The following ZNF536 variants were observed in gnomAD, a reference collection of about 807,000 sequenced individuals.
The protein encoded by ZNF536 is zinc finger protein 536.
In ZNF536, 13 loss-of-function variants were observed where a neutral mutation model predicts 84.5. The observed-to-expected ratio is 0.15, with a 90% CI of 0.10 to 0.24. The LOEUF is 0.24. ZNF536 is among the 10% of genes least tolerant of loss of function. The pLI is 1.00. For synonymous variants in ZNF536, 811 were observed against 742.5 expected (o/e 1.09, Z -1.50); for missense variants, 1,536 against 1,747.5 (o/e 0.88, Z 2.16).
intron 1 of ZNF536, among the ~76,000 whole-genome samples, chr19:30,402,886 T>C (rs1231379683): frequency 6.7e-6 from 1 of 149,838 alleles, no homozygotes; most frequent in African/African-American, 2.4e-5. Flanking sequence ...GAGGGGAATG[T>C]TACCCCCACC....
At chr19:30,703,695 C>T (rs1002996649) in intron 1 of ZNF536, among the ~76,000 whole-genome samples, 4 of 152,214 alleles carry the variant, frequency 2.6e-5, no homozygotes, top group African/African-American at 9.6e-5. Flanking sequence ...CCAGGCAGAG[C>T]TTCCCCTGAG....
At chr19:30,434,471 A>G (rs1479666074) in intron 1 of ZNF536, among the ~76,000 whole-genome samples, 2 of 152,176 alleles carry the variant, frequency 1.3e-5, no homozygotes, top group Non-Finnish European at 2.9e-5. Flanking sequence ...GACTGTCGTT[A>G]TCCAGCCCAA....
intron 1 of ZNF536, among the ~76,000 whole-genome samples, chr19:30,377,848 T>C (rs2048876098): frequency 6.6e-6 from 1 of 152,178 alleles, no homozygotes; most frequent in Non-Finnish European, 1.5e-5. Flanking sequence ...GGGAATGCAG[T>C]CCAGCAGGTC....
chr19:30,240,647 C>A (rs1056101794), intron 1 of ZNF536, among the ~76,000 whole-genome samples: 1 of 152,186 alleles, frequency 6.6e-6, no homozygotes, highest in African/African-American at 2.4e-5. Flanking sequence ...CTGGAAGAAC[C>A]CCCGAGCAGC....
chr19:30,572,764 C>A (rs2046595783), intron 1 of ZNF536, among the ~76,000 whole-genome samples: 1 of 152,098 alleles, frequency 6.6e-6, no homozygotes, highest in South Asian at 2.1e-4. Context: ...AAGAGCTGGA[C>A]CTTCACATGA....
intron 1 of ZNF536, among the ~76,000 whole-genome samples, chr19:30,623,018 GTGT>G (rs1376040643): frequency 1.0e-5 from 1 of 98,512 alleles, no homozygotes; most frequent in African/African-American, 4.1e-5. Flanking sequence ...TAAAAATCTT[GTGT>G]TTTTTTTTTT....
chr19:30,564,574 G>T (rs1009547969), intron 1 of ZNF536, among the ~76,000 whole-genome samples: 3 of 152,154 alleles, frequency 2.0e-5, no homozygotes, highest in Non-Finnish European at 2.9e-5. Context: ...CAGTGGCTGT[G>T]GGTAGGGATG....
At chr19:30,389,249 C>A (rs894763444) in intron 1 of ZNF536, among the ~76,000 whole-genome samples, 1 of 152,124 alleles carries the variant, frequency 6.6e-6, no homozygotes, top group Non-Finnish European at 1.5e-5. Flanking sequence ...AGGGGGTATG[C>A]GGAAGGCCAA....
intron 3 of ZNF536, among the ~76,000 whole-genome samples, chr19:30,361,254 T>G (rs1442751855): frequency 6.6e-6 from 1 of 152,270 alleles, no homozygotes; most frequent in Non-Finnish European, 1.5e-5. Context: ...CCTGTGTGCC[T>G]GGGCGACAGC....
intron 1 of ZNF536, among the ~76,000 whole-genome samples, chr19:30,581,977 G>A (rs2046936965): frequency 6.6e-6 from 1 of 152,102 alleles, no homozygotes; most frequent in South Asian, 2.1e-4. Context: ...AAAAAAGAAG[G>A]AGTTATGTCC....
Position 30,445,376 on chromosome 19 carries a change from G to T in ZNF536, c.1814G>T (p.Arg605Leu), listed in dbSNP as rs1174599680. ...PSKLDPLESS[R>L]DFLSHGLNQT... ...AAGCTCGACCCTTTAGAAAGCAGTC[G>T]GGATTTTTTGTCACACGGGCTGAAC... The change falls in exon 2 of 5, where the codon CGG becomes CTG. Residue 605 changes from arginine (R) to leucine (L), a missense_variant. Arg to Leu is a moderately radical substitution (Grantham distance 102). This residue lies in a region of ZNF536 where 366 missense variants were observed against 364.4 expected (regional missense o/e 1.00). Coordinates refer to ENST00000355537, the MANE Select transcript of ZNF536 (RefSeq NM_014717.3). This position sits in a 1 kb window ranked among gnomAD's most constrained non-coding sequence, Gnocchi z 4.5. The T allele has an allele frequency of 6.2e-7, 1 of 1,614,164 alleles. No homozygotes were observed. Among genetic ancestry groups the T allele is most frequent in the Non-Finnish European group, 8.5e-7 (1 of 1,180,030 alleles).
intron 1 of ZNF536, among the ~76,000 whole-genome samples, chr19:30,581,141 A>G (rs1364782284): frequency 2.0e-5 from 3 of 152,248 alleles, no homozygotes; most frequent in Non-Finnish European, 4.4e-5. Context: ...ATAATAGTCA[A>G]CTAATAAGTT....
chr19:30,547,914 C>G, intron 3 of ZNF536, 29 bp from the exon 4 acceptor site: 2 of 1,512,666 alleles, frequency 1.3e-6, no homozygotes, highest in Non-Finnish European at 1.8e-6. Flanking sequence ...ATAAACGCCT[C>G]TTTTTTTTCT....
At chr19:30,666,150 G>A (rs894427837) in intron 1 of ZNF536, among the ~76,000 whole-genome samples, 2 of 152,228 alleles carry the variant, frequency 1.3e-5, no homozygotes, top group East Asian at 1.9e-4. Flanking sequence ...ACAGACATGC[G>A]TGTGCATGCT....
At chr19:30,689,165 G>A (rs1435702449) in intron 1 of ZNF536, among the ~76,000 whole-genome samples, 1 of 152,228 alleles carries the variant, frequency 6.6e-6, no homozygotes. Context: ...CAGCTGTTAA[G>A]AGCTGAAGGT....
rs1032816229 is a variant in ZNF536 at position 30,445,671 on chromosome 19, C to T, written c.2109C>T (p.Gly703=). 1.9e-6 allele frequency: 3 copies of T among 1,606,444 alleles called. No individual in the cohort carries two copies. Among genetic ancestry groups the T allele is most frequent in the African/African-American group, 2.7e-5 (2 of 74,860 alleles). ...NVTEESGVGG[G]LSQTGSAQED... ...CCGAGGAGAGCGGGGTCGGAGGCGG[C>T]CTCTCCCAGACCGGGAGTGCCCAGG... The change falls in exon 2 of 5, where the codon GGC becomes GGT. Residue 703 remains glycine (G), a synonymous_variant. Coordinates refer to ENST00000355537, the MANE Select transcript of ZNF536 (RefSeq NM_014717.3). The surrounding 1 kb of genome is among the most constrained non-coding windows in gnomAD (Gnocchi z 4.5).
intron 2 of ZNF536, among the ~76,000 whole-genome samples, chr19:30,286,299 C>T (rs1423473051): frequency 2.6e-5 from 4 of 152,164 alleles, no homozygotes; most frequent in Admixed American, 2.0e-4. Flanking sequence ...CCTTCTATCT[C>T]GGCGCCTTTG....
intron 2 of ZNF536, among the ~76,000 whole-genome samples, chr19:30,317,883 A>G (rs1012235694): frequency 1.3e-5 from 2 of 152,234 alleles, no homozygotes; most frequent in Non-Finnish European, 1.5e-5. Flanking sequence ...TATAGAAAAC[A>G]CTTGAATGCA....
At chr19:30,418,964 C>G (rs1325768253) in intron 1 of ZNF536, among the ~76,000 whole-genome samples, 1 of 152,110 alleles carries the variant, frequency 6.6e-6, no homozygotes, top group Non-Finnish European at 1.5e-5. Context: ...TCAGAAATAA[C>G]TTTATATTTT....
Sources: gnomAD v4.1 joint callset for allele counts (sites outside exome capture counted in the v4.1 genomes callset) on GRCh38, gnomAD v4.1.1 for gene constraint, gnomAD v4.1.1 regional missense constraint, Gnocchi (gnomAD v3.1) non-coding constraint, MANE v1.5 for transcripts, NCBI Gene and HGNC (gene_info 2026-07-23, HGNC 2026-07-21) for gene names.